MSRA: variants seen among roughly 807,000 people sequenced by gnomAD.
The protein encoded by MSRA is mitochondrial peptide methionine sulfoxide reductase.
MSRA carries 54 observed loss-of-function variants against 31.3 expected under a neutral mutation model. The ratio of observed to expected loss-of-function variants is 1.73; its 90% CI spans 1.39 to 2.17. The LOEUF (loss-of-function observed/expected upper bound fraction) is 2.17, where lower values mean the gene tolerates loss of function less well. MSRA is among the 30% of genes most tolerant of loss of function. MSRA has a pLI of 0.00. For synonymous variants in MSRA, 169 were observed against 116.5 expected (o/e 1.45, Z -2.90); for missense variants, 507 against 300.9 (o/e 1.69, Z -5.07).
At chr8:10,162,040 A>G (rs571431713) in intron 1 of MSRA, among the ~76,000 whole-genome samples, 2 of 152,164 alleles carry the variant, frequency 1.3e-5, no homozygotes, top group South Asian at 4.2e-4. Context: ...CTCATGTCCT[A>G]GATTCTGTGA....
intron 1 of MSRA, among the ~76,000 whole-genome samples, chr8:10,201,672 C>G (rs1808514122): frequency 6.6e-6 from 1 of 152,212 alleles, no homozygotes; most frequent in Admixed American, 6.5e-5. Flanking sequence ...ATTCACAAAA[C>G]AAAATAAAAA....
chr8:10,377,349 A>T (rs1232358962), intron 5 of MSRA, among the ~76,000 whole-genome samples: 1 of 152,248 alleles, frequency 6.6e-6, no homozygotes, highest in Non-Finnish European at 1.5e-5. Context: ...GATTTGAGGC[A>T]CAGTTTGCTT....
chr8:10,127,006 C>G (rs1801552020), intron 1 of MSRA, among the ~76,000 whole-genome samples: 1 of 152,220 alleles, frequency 6.6e-6, no homozygotes, highest in East Asian at 1.9e-4. Context: ...GCCTGGTCCA[C>G]TAGCTAGGGG....
At chr8:10,319,810 G>A (rs978336250) in intron 4 of MSRA, 73 bp from the exon 5 acceptor site, 13 of 814,164 alleles carry the variant, frequency 1.6e-5, no homozygotes, top group Admixed American at 1.0e-4. Context: ...AAATGTCTCA[G>A]CATTGTGCCC....
chr8:10,218,242 G>T (rs548290544), intron 2 of MSRA, among the ~76,000 whole-genome samples: 1 of 151,978 alleles, frequency 6.6e-6, no homozygotes, highest in South Asian at 2.1e-4. Flanking sequence ...TGCCTCCCAG[G>T]TTCAAGCGAT....
intron 4 of MSRA, among the ~76,000 whole-genome samples, chr8:10,304,289 T>A (rs996409084): frequency 1.3e-4 from 20 of 152,242 alleles, no homozygotes; most frequent in African/African-American, 4.8e-4. Context: ...GTATCCGGCC[T>A]CTTGGTTAAT....
chr8:10,054,325 G>C lies in MSRA; in HGVS notation c.-192G>C, dbSNP rs899991852. 4.7e-6 allele frequency: 2 copies of C among 426,444 alleles called. No homozygotes were observed. Among genetic ancestry groups the C allele is most frequent in the Non-Finnish European group, 3.8e-6 (1 of 261,652 alleles). 26.4% of individuals were successfully genotyped at this position (426,444 alleles called of 1,614,324 possible). A position where few individuals can be genotyped will look rare whatever the true frequency, so the allele number is the denominator to read the frequency against. The stretch of plus-strand genomic sequence containing the variant: ...AAGGAACACGCCCCCGGTGACAGCC[G>C]GTACGGCCCCGGGTTTGGGCAACCT... On this transcript the variant is annotated 5_prime_UTR_variant, in exon 1 of 6. Transcript: ENST00000317173.
intron 5 of MSRA, among the ~76,000 whole-genome samples, chr8:10,354,916 C>G (rs538739328): frequency 1.3e-5 from 2 of 152,116 alleles, no homozygotes; most frequent in South Asian, 2.1e-4. Flanking sequence ...TAAATGCTGC[C>G]GTGATGAGCA....
At chr8:10,289,362 G>A (rs922036414) in intron 3 of MSRA, among the ~76,000 whole-genome samples, 11 of 151,976 alleles carry the variant, frequency 7.2e-5, no homozygotes, top group Admixed American at 4.6e-4. Context: ...TGGGGTATAC[G>A]AGATGATAGG....
chr8:10,295,456 G>A (rs899850839), intron 3 of MSRA, among the ~76,000 whole-genome samples: 1 of 152,168 alleles, frequency 6.6e-6, no homozygotes, highest in Non-Finnish European at 1.5e-5. Context: ...CTAGACTGCT[G>A]GCCCAGTGAC....
At chr8:10,177,579 A>G (rs889403111) in intron 1 of MSRA, among the ~76,000 whole-genome samples, 5 of 152,230 alleles carry the variant, frequency 3.3e-5, no homozygotes, top group African/African-American at 4.8e-5. Flanking sequence ...TTCATATGCT[A>G]TATCAGAATT....
In MSRA at chr8:10,054,449, C is replaced by A. The variant is rs1802169179; in HGVS notation, c.-68C>A. Reference sequence around the variant, plus strand: ...TCCGGCCGCGGACCCCACTCTCTGCCGTTCCGGCTGCGGCTCCGCTGCCGG... The same window carrying A: ...TCCGGCCGCGGACCCCACTCTCTGCAGTTCCGGCTGCGGCTCCGCTGCCGG... On this transcript the variant is annotated 5_prime_UTR_variant, in exon 1 of 6. Transcript: ENST00000317173. 2 of 1,490,794 alleles carry A rather than the reference C, an allele frequency of 1.3e-6. No homozygotes were observed. The highest frequency in any genetic ancestry group is 1.3e-5 in the South Asian group (1 of 79,824). The allele number at this position is 1,490,794 out of a possible 1,614,324, so 92.3% of individuals were successfully genotyped here.
chr8:10,173,151 C>G (rs1394716997), intron 1 of MSRA, among the ~76,000 whole-genome samples: 8 of 152,258 alleles, frequency 5.3e-5, no homozygotes, highest in Non-Finnish European at 1.0e-4. Context: ...TTAATACAAA[C>G]TGTTTTATTT....
chr8:10,196,941 A>G (rs562572683), intron 1 of MSRA, among the ~76,000 whole-genome samples: 6 of 152,274 alleles, frequency 3.9e-5, no homozygotes, highest in African/African-American at 1.4e-4. Flanking sequence ...TATGTTTAAC[A>G]TTCATCTTCA....
chr8:10,337,639 A>T (rs909734181), intron 5 of MSRA: 1 of 685,024 alleles, frequency 1.5e-6, no homozygotes, highest in Non-Finnish European at 2.7e-6. Context: ...ATATTGTCAC[A>T]TTTTCCTTGA....
intron 1 of MSRA, among the ~76,000 whole-genome samples, chr8:10,178,008 C>T (rs1018772003): frequency 1.3e-5 from 2 of 152,206 alleles, no homozygotes; most frequent in African/African-American, 4.8e-5. Flanking sequence ...TTATATCCTC[C>T]TTACCGCTTC....
intron 3 of MSRA, among the ~76,000 whole-genome samples, chr8:10,292,366 G>C (rs1585385122): frequency 6.6e-6 from 1 of 152,224 alleles, no homozygotes; most frequent in East Asian, 1.9e-4. Flanking sequence ...ACAGAGGAGA[G>C]CCACTGTCAC....
chr8:10,286,766 G>A (rs1446011563), intron 3 of MSRA, among the ~76,000 whole-genome samples: 1 of 152,252 alleles, frequency 6.6e-6, no homozygotes, highest in Non-Finnish European at 1.5e-5. Context: ...AGCCAAGATT[G>A]AAGGCTCACA....
At position 10,339,556 on chromosome 8, in the gene MSRA, T is replaced by TTTTTC. The variant is rs1554531885; in HGVS notation, c.543+19568_543+19569insTTTCT. 6.3e-3 allele frequency among the ~76,000 whole-genome samples: 638 copies of TTTTTC among 100,574 alleles called. 5 individuals are homozygous for TTTTTC. The highest frequency in any genetic ancestry group is 8.9e-3 in the Non-Finnish European group (455 of 50,952). 66.0% of individuals were successfully genotyped at this position (100,574 alleles called of 152,430 possible). On this transcript the variant is annotated intron_variant, in intron 5 of 5. Transcript: ENST00000317173. ...CTTTTTTTTTTTTTTTTTTTTTTTT[T>TTTTTC]TCTGAGACGGAATCTCGTTCTGTCG...
Sources: allele counts gnomAD v4.1 joint callset (sites outside exome capture counted in the v4.1 genomes callset), GRCh38; gene constraint gnomAD v4.1.1; transcripts MANE v1.5; gene names NCBI Gene and HGNC (gene_info 2026-07-23, HGNC 2026-07-21).